Variants in STX8 observed in about 807,000 individuals in gnomAD.
The protein encoded by STX8 is syntaxin-8.
In STX8, 23 loss-of-function variants were observed where a neutral mutation model predicts 37.5. That is an observed-to-expected ratio of 0.61 (90% CI 0.44 to 0.87). STX8 has a LOEUF of 0.87. Among genes scored for constraint, STX8 ranks in the 40% least tolerant of loss-of-function variants. STX8 has a pLI of 0.00. For missense variants in STX8, 313 were observed against 284.7 expected (o/e 1.10, Z -0.71); for synonymous variants, 115 against 99.1 (o/e 1.16, Z -0.95).
chr17:9,337,201 A>G (rs1156774612), intron 7 of STX8, among the ~76,000 whole-genome samples: 3 of 152,236 alleles, frequency 2.0e-5, no homozygotes, highest in Non-Finnish European at 2.9e-5. Context: ...CAAAAATTAA[A>G]GAGAAAAGGC....
intron 2 of STX8, among the ~76,000 whole-genome samples, chr17:9,560,305 G>A (rs1907174787): frequency 6.7e-6 from 1 of 148,348 alleles, no homozygotes; most frequent in Admixed American, 7.0e-5. Context: ...GGCTGAGGCA[G>A]GAGAATGGCT....
chr17:9,307,245 C>T (rs1182957829), intron 7 of STX8, among the ~76,000 whole-genome samples: 1 of 152,154 alleles, frequency 6.6e-6, no homozygotes, highest in Non-Finnish European at 1.5e-5. Context: ...TTGCCATCCC[C>T]CCCACCAAAA....
intron 1 of STX8, among the ~76,000 whole-genome samples, chr17:9,573,078 A>ACCC (rs1239207121): frequency 8.2e-5 from 3 of 36,394 alleles, no homozygotes; most frequent in African/African-American, 2.0e-4. Flanking sequence ...CCCACCCCCA[A>ACCC]CACCCCCCCC....
intron 7 of STX8, among the ~76,000 whole-genome samples, chr17:9,272,741 C>T (rs894568476): frequency 6.6e-6 from 1 of 152,186 alleles, no homozygotes; most frequent in African/African-American, 2.4e-5. Context: ...ATATTCTTTA[C>T]GCCCGCTGGA....
At chr17:9,486,305 A>G (rs1236736922) in intron 6 of STX8, among the ~76,000 whole-genome samples, 3 of 152,214 alleles carry the variant, frequency 2.0e-5, no homozygotes, top group African/African-American at 7.2e-5. Context: ...GCTTCCAGAA[A>G]GCAAGGAATT....
At chr17:9,268,474 T>C (rs1281742809) in intron 7 of STX8, among the ~76,000 whole-genome samples, 2 of 152,100 alleles carry the variant, frequency 1.3e-5, no homozygotes, top group East Asian at 3.9e-4. Context: ...GTATTCACAC[T>C]CTGCAGTGCA....
At chr17:9,489,978 G>A (rs1279868267) in intron 6 of STX8, among the ~76,000 whole-genome samples, 4 of 152,044 alleles carry the variant, frequency 2.6e-5, no homozygotes, top group Non-Finnish European at 5.9e-5. Flanking sequence ...ATGAGCCACC[G>A]TGCCCGGCCT....
At chr17:9,408,902 G>T (rs1912887765) in intron 6 of STX8, among the ~76,000 whole-genome samples, 1 of 152,110 alleles carries the variant, frequency 6.6e-6, no homozygotes, top group Non-Finnish European at 1.5e-5. Context: ...GGGATTCTGA[G>T]AAATTAGGAC....
At position 9,446,582 on chromosome 17, in the gene STX8, T is replaced by C. The variant is rs1276885968; in HGVS notation, c.541+45247A>G. ...TTCACGGGAGTGCTACACGGGTTAC[T>C]ATCCACAAAGATAGAAAGGAATAAA... On this transcript the variant is annotated intron_variant, in intron 6 of 7. Transcript: ENST00000306357. 5.9e-5 allele frequency among the ~76,000 whole-genome samples: 9 copies of C among 152,182 alleles called. No individual in the cohort carries two copies. The East Asian group carries it at 1.5e-3, about 26-fold the overall frequency.
At chr17:9,378,528 A>G in intron 7 of STX8, 24 bp downstream of exon 7, 1 of 1,582,688 alleles carries the variant, frequency 6.3e-7, no homozygotes, top group South Asian at 1.1e-5. Context: ...ACAGAAACAG[A>G]GCCATAACGT....
intron 6 of STX8, among the ~76,000 whole-genome samples, chr17:9,433,689 G>C (rs758877351): frequency 6.7e-6 from 1 of 149,596 alleles, no homozygotes; most frequent in Non-Finnish European, 1.5e-5. Flanking sequence ...ACTTCAGGGG[G>C]TCACAGATAT....
chr17:9,319,882 C>CAG (rs904709116), intron 7 of STX8, among the ~76,000 whole-genome samples: 1 of 151,870 alleles, frequency 6.6e-6, no homozygotes, highest in African/African-American at 2.4e-5. Flanking sequence ...ACCCAGGGGG[C>CAG]AGAGGTTGCA....
chr17:9,470,267 C>T (rs1320047821), intron 6 of STX8, among the ~76,000 whole-genome samples: 1 of 152,204 alleles, frequency 6.6e-6, no homozygotes, highest in Non-Finnish European at 1.5e-5. Context: ...AGTTCAAGCT[C>T]CTTTAAGGAT....
intron 7 of STX8, among the ~76,000 whole-genome samples, chr17:9,254,919 CAA>C (rs1024890928): frequency 2.6e-5 from 4 of 152,058 alleles, no homozygotes; most frequent in African/African-American, 9.7e-5. Flanking sequence ...TAAGAAGAGT[CAA>C]GAGAGGCATA....
intron 5 of STX8, among the ~76,000 whole-genome samples, chr17:9,492,449 AGTTTTACTGACGGCC>A (rs1275988069): frequency 6.6e-6 from 1 of 152,230 alleles, no homozygotes; most frequent in Non-Finnish European, 1.5e-5. Flanking sequence ...TAGGTGAATA[AGTTTTACTGACGGCC>A]GTATTTCTCA....
intron 7 of STX8, among the ~76,000 whole-genome samples, chr17:9,351,137 A>G (rs1048341906): frequency 6.7e-6 from 1 of 148,616 alleles, no homozygotes; most frequent in African/African-American, 2.5e-5. Flanking sequence ...TAATGTGGTT[A>G]TATGTAATAA....
chr17:9,432,608 G>A (rs1053353739), intron 6 of STX8, among the ~76,000 whole-genome samples: 1 of 152,138 alleles, frequency 6.6e-6, no homozygotes, highest in Admixed American at 6.5e-5. Flanking sequence ...ATGTGTTTTG[G>A]GAACTTTCAC....
At chr17:9,466,348 A>G (rs1352349270) in intron 6 of STX8, among the ~76,000 whole-genome samples, 1 of 152,206 alleles carries the variant, frequency 6.6e-6, no homozygotes, top group Admixed American at 6.5e-5. Flanking sequence ...AGATGGAAGA[A>G]ACATTAAAAC....
intron 6 of STX8, 77 bp downstream of exon 6, chr17:9,491,752 A>T: frequency 7.9e-7 from 1 of 1,262,084 alleles, no homozygotes; most frequent in Non-Finnish European, 1.1e-6. Flanking sequence ...GTATAATCTT[A>T]AACTCATTCA....
Sources: gnomAD v4.1 joint callset for allele counts (sites outside exome capture counted in the v4.1 genomes callset) on GRCh38, gnomAD v4.1.1 for gene constraint, MANE v1.5 for transcripts, NCBI Gene and HGNC (gene_info 2026-07-23, HGNC 2026-07-21) for gene names.